The following ZNF883 variants were observed in gnomAD, a reference collection of about 807,000 sequenced individuals.
The protein encoded by ZNF883 is zinc finger protein 883.
At chr9:112,991,536 G>A (rs972803604) in intron 1 of ZNF883, among the ~76,000 whole-genome samples, 12 of 151,894 alleles carry the variant, frequency 7.9e-5, no homozygotes, top group Admixed American at 2.0e-4. Flanking sequence ...AGTGCATTGC[G>A]GCACCGAGAA....
intron 1 of ZNF883, among the ~76,000 whole-genome samples, chr9:113,011,902 G>A (rs561888902): frequency 6.6e-6 from 1 of 152,238 alleles, no homozygotes; most frequent in East Asian, 1.9e-4. Flanking sequence ...TGACTGTTAA[G>A]GCTGGGATGA....
chr9:112,997,319 GT>G, exon 1 of ZNF883: 2 of 1,613,894 alleles, frequency 1.2e-6, no homozygotes, highest in Non-Finnish European at 1.7e-6. Context: ...TCCTGTATGC[GT>G]CCTCTGATGT....
At chr9:112,996,571 C>T (rs1197993869), downstream of ZNF883, among the ~76,000 whole-genome samples, 1 of 150,822 alleles carries the variant, frequency 6.6e-6, no homozygotes, top group Non-Finnish European at 1.5e-5. Context: ...GCGGGCAGAT[C>T]ATGAGGTCAG....
rs539085280 is a variant in ZNF883 at position 112,997,392 on chromosome 9, C to T, written n.868G>A. 50 of 1,613,856 alleles carry T rather than the reference C, an allele frequency of 3.1e-5. No individual in the cohort carries two copies. Among genetic ancestry groups the T allele is most frequent in the Non-Finnish European group, 3.9e-5 (46 of 1,179,912 alleles). Reference sequence around the variant, plus strand: ...CATTCATTACATTGATAGGGTTTCACACAAGAATGAATTTTTAGATGTTCA... The same window carrying T: ...CATTCATTACATTGATAGGGTTTCATACAAGAATGAATTTTTAGATGTTCA... On this transcript the variant is annotated non_coding_transcript_exon_variant, in exon 1 of 1. Transcript: ENST00000639662.
chr9:113,002,300 A>T (rs1260511411), upstream of ZNF883, among the ~76,000 whole-genome samples: 1 of 152,220 alleles, frequency 6.6e-6, no homozygotes, highest in Non-Finnish European at 1.5e-5. Context: ...AAAGACACCT[A>T]AAACAATAAT....
chr9:113,000,444 G>T (rs1041768560), upstream of ZNF883, among the ~76,000 whole-genome samples: 4 of 152,096 alleles, frequency 2.6e-5, no homozygotes, highest in African/African-American at 9.7e-5. Flanking sequence ...TTAAAAGCTT[G>T]TTAATTCTGT....
At chr9:112,997,349 T>G in exon 1 of ZNF883, 1 of 1,614,084 alleles carries the variant, frequency 6.2e-7, no homozygotes, top group Non-Finnish European at 8.5e-7. Flanking sequence ...TGATGTTCTA[T>G]AGCAAAACAG....
chr9:113,003,619 G>A (rs1395645482), intron 2 of ZNF883, among the ~76,000 whole-genome samples: 2 of 150,166 alleles, frequency 1.3e-5, no homozygotes, highest in Non-Finnish European at 3.0e-5. Context: ...CTATATTTAA[G>A]GGAATAAGGA....
chr9:112,994,407 G>T (rs1587893033), downstream of ZNF883, among the ~76,000 whole-genome samples: 3 of 151,800 alleles, frequency 2.0e-5, 1 homozygote, highest in South Asian at 6.3e-4. Flanking sequence ...AGTCACCAGT[G>T]CAGGATTCAC....
At chr9:112,988,913 TCAC>T (rs1241667981) in intron 1 of ZNF883, among the ~76,000 whole-genome samples, 3 of 152,208 alleles carry the variant, frequency 2.0e-5, no homozygotes, top group Non-Finnish European at 4.4e-5. Flanking sequence ...TCATGTTTGT[TCAC>T]CACATAAATG....
At chr9:112,999,436 C>G (rs1030329731), upstream of ZNF883, among the ~76,000 whole-genome samples, 2 of 152,036 alleles carry the variant, frequency 1.3e-5, no homozygotes, top group East Asian at 3.8e-4. Flanking sequence ...ACTAGATATC[C>G]TACAATTTAC....
chr9:113,003,573 G>A (rs1828446483), intron 2 of ZNF883, among the ~76,000 whole-genome samples: 1 of 134,802 alleles, frequency 7.4e-6, no homozygotes. Flanking sequence ...ACATATAAGT[G>A]GAGTCTCAAA....
Position 112,989,054 on chromosome 9 carries a change from A to G in ZNF883, n.310-5475T>C, listed in dbSNP as rs141642268. 6.9e-3 allele frequency among the ~76,000 whole-genome samples: 1,056 copies of G among 152,306 alleles called. 11 individuals carry two copies. The highest frequency in any genetic ancestry group is 0.024 in the African/African-American group (1,001 of 41,568). ...ACCTTTGTCAAATGGATAGGTTGCA[A>G]AAGTTTTCCCTCATTCTGTAGATTT... On this transcript the variant is annotated intron_variant and non_coding_transcript_variant, in intron 1 of 9. Coordinates refer to the ZNF883 transcript ENST00000638823.
chr9:113,005,079 AAACTAG>A (rs1182297341), intron 2 of ZNF883, among the ~76,000 whole-genome samples: 1 of 152,018 alleles, frequency 6.6e-6, no homozygotes, highest in Non-Finnish European at 1.5e-5. Flanking sequence ...CTTAAACATA[AAACTAG>A]AACTATAAAA....
At chr9:113,006,544 C>T (rs1828478551) in intron 2 of ZNF883, among the ~76,000 whole-genome samples, 1 of 152,146 alleles carries the variant, frequency 6.6e-6, no homozygotes, top group African/African-American at 2.4e-5. Context: ...ACTTGGCCTC[C>T]CGGGCTAAGC....
intron 1 of ZNF883, among the ~76,000 whole-genome samples, chr9:112,992,057 A>T (rs1828308387): frequency 6.6e-6 from 1 of 152,122 alleles, no homozygotes; most frequent in Non-Finnish European, 1.5e-5. Flanking sequence ...GTGTCTTTTA[A>T]CTGGGGGCAT....
chr9:113,011,873 A>G (rs1217884303), intron 1 of ZNF883, among the ~76,000 whole-genome samples: 1 of 152,116 alleles, frequency 6.6e-6, no homozygotes, highest in Non-Finnish European at 1.5e-5. Context: ...TCTCCAACCC[A>G]GAAGAGAACC....
intron 1 of ZNF883, among the ~76,000 whole-genome samples, chr9:113,011,523 G>C (rs1828539181): frequency 6.6e-6 from 1 of 152,178 alleles, no homozygotes; most frequent in African/African-American, 2.4e-5. Context: ...TTTTCGAAGT[G>C]CATTCACAAA....
At chr9:112,997,460 C>A in exon 1 of ZNF883, 1 of 1,614,098 alleles carries the variant, frequency 6.2e-7, no homozygotes, top group Non-Finnish European at 8.5e-7. Flanking sequence ...ACATTCTTTA[C>A]AAACATAGGG....
Sources: allele counts gnomAD v4.1 joint callset (sites outside exome capture counted in the v4.1 genomes callset), GRCh38; gene constraint gnomAD v4.1.1; transcripts MANE v1.5; gene names NCBI Gene and HGNC (gene_info 2026-07-23, HGNC 2026-07-21).